LLGL1: variants seen among roughly 807,000 people sequenced by gnomAD.
LLGL1 encodes the protein lethal(2) giant larvae protein homolog 1.
LLGL1 carries 58 observed loss-of-function variants against 110.6 expected under a neutral mutation model. That is an observed-to-expected ratio of 0.52 (90% CI 0.42 to 0.65). The LOEUF is 0.65. LLGL1 is among the 30% of genes least tolerant of loss of function. LLGL1 has a pLI of 0.00. For missense variants in LLGL1, 1,229 were observed against 1,462.1 expected (o/e 0.84, Z 2.60); for synonymous variants, 674 against 607.2 (o/e 1.11, Z -1.62).
At chr17:18,237,877 C>T (rs1215539768) in intron 14 of LLGL1, 104 bp downstream of exon 14, 10 of 1,357,862 alleles carry the variant, frequency 7.4e-6, no homozygotes, top group East Asian at 2.4e-5. Context: ...CCACTAACCT[C>T]CATTGCCCTA....
At chr17:18,232,625 C>T in intron 3 of LLGL1, 47 bp from the exon 4 acceptor site, 1 of 1,613,914 alleles carries the variant, frequency 6.2e-7, no homozygotes, top group Non-Finnish European at 8.5e-7. Context: ...CCCATATCTA[C>T]TCATCCCCCT....
At chr17:18,234,519 G>T in intron 7 of LLGL1, 111 bp downstream of exon 7, 1 of 1,575,654 alleles carries the variant, frequency 6.3e-7, no homozygotes, top group South Asian at 1.1e-5. Context: ...TGGGGGCAGT[G>T]TGTCTCCCGC....
At chr17:18,226,397 C>G (rs1242669800) in intron 1 of LLGL1, among the ~76,000 whole-genome samples, 1 of 152,070 alleles carries the variant, frequency 6.6e-6, no homozygotes, top group African/African-American at 2.4e-5. Context: ...CTTTGGCACC[C>G]AGGAGGGTGA....
In LLGL1 at chr17:18,234,420, G is replaced by A. The variant is rs777719392; in HGVS notation, c.850+12G>A. 5 of 1,610,984 alleles carry A rather than the reference G, an allele frequency of 3.1e-6. No homozygotes were observed. Among genetic ancestry groups the A allele is most frequent in the Non-Finnish European group, 3.4e-6 (4 of 1,179,336 alleles). On this transcript the variant is annotated intron_variant, in intron 7 of 22. Coordinates refer to ENST00000316843, the MANE Select transcript of LLGL1 (RefSeq NM_004140.4). ...CACCACACCTTACGGTGAGTGCTGG[G>A]GACACCTTAGCCAGAGGGTGGTGAT...
intron 20 of LLGL1, 80 bp downstream of exon 20, chr17:18,242,358 G>A: frequency 1.9e-6 from 3 of 1,546,394 alleles, no homozygotes; most frequent in South Asian, 1.1e-5. Context: ...ATAGCTCAGG[G>A]ATCGGGCAGG....
intron 11 of LLGL1, 128 bp downstream of exon 11, chr17:18,235,665 C>G: frequency 1.1e-6 from 1 of 870,642 alleles, no homozygotes. Flanking sequence ...GTAGTTCCTC[C>G]TTGCCCAAGG....
chr17:18,225,780 G>A lies in LLGL1; in HGVS notation c.81+17G>A. On this transcript the variant is annotated intron_variant, in intron 1 of 22. Coordinates refer to ENST00000316843, the MANE Select transcript of LLGL1 (RefSeq NM_004140.4). ...TTCAACAAGGTGCGGCGGCGGCCCG[G>A]GCCCGGGCTCGGGCGGGAGGGGGCG... The A allele has an allele frequency of 2.0e-6, 2 of 998,150 alleles. No individual in the cohort carries two copies. The highest frequency in any genetic ancestry group is 2.4e-6 in the Non-Finnish European group (2 of 835,202). 61.8% of individuals were successfully genotyped at this position (998,150 alleles called of 1,614,324 possible).
At chr17:18,230,768 T>A (rs1382897790) in intron 2 of LLGL1, among the ~76,000 whole-genome samples, 2 of 152,054 alleles carry the variant, frequency 1.3e-5, no homozygotes, top group Non-Finnish European at 2.9e-5. Flanking sequence ...AGACATCAGT[T>A]CCCAGAAAAT....
chr17:18,237,151 G>C (rs1264812011), intron 13 of LLGL1: 4 of 601,096 alleles, frequency 6.7e-6, no homozygotes, highest in Non-Finnish European at 1.2e-5. Flanking sequence ...ACTCATGTCA[G>C]TGCTGTGCTC....
At position 18,242,662 on chromosome 17, in the gene LLGL1, G is replaced by A. The variant is rs761475842; in HGVS notation, c.3116+34G>A. On this transcript the variant is annotated intron_variant, in intron 21 of 22. Transcript: ENST00000316843. ...GGTGGGCAGGTCCACAGGGGGGGCTGCCCTGTCCCCTAGGCCTCCGTCCCC... is the reference window on the plus strand; with the variant it reads ...GGTGGGCAGGTCCACAGGGGGGGCTACCCTGTCCCCTAGGCCTCCGTCCCC... The A allele has an allele frequency of 7.6e-6, 12 of 1,583,854 alleles. No individual in the cohort carries two copies. The East Asian group carries it at 2.1e-4, about 28-fold the overall frequency.
At chr17:18,241,174 C>T (rs980799254) in intron 17 of LLGL1, 11 of 591,900 alleles carry the variant, frequency 1.9e-5, no homozygotes, top group African/African-American at 9.3e-5. Context: ...GGCTCTGCCT[C>T]GAAAGAACTC....
At position 18,234,390 on chromosome 17, in the gene LLGL1, G is replaced by T. The variant is rs1158754832; in HGVS notation, c.832G>T (p.Val278Leu). Residue 278 changes from valine (V) to leucine (L), a missense_variant, in exon 7 of 23, where the codon GTA becomes TTA. Transcript: ENST00000316843. ...CAGCTTCCCAACGCTGCAGCCCACG[G>T]TAGCCACCACACCTTACGGTGAGTG... ...AGSFPTLQPT[V>L]ATTPYGPFPC... The T allele has an allele frequency of 6.2e-7, 1 of 1,612,350 alleles. No homozygotes were observed. Among genetic ancestry groups the T allele is most frequent in the East Asian group, 2.2e-5 (1 of 44,874 alleles).
chr17:18,239,832 G>A lies in LLGL1; in HGVS notation c.2207-746G>A, dbSNP rs532124865. ...TAACTTGTTCCACTGGCCCGAGAAG[G>A]CCGATGGGTTCATGTTCATGGCCGG... On this transcript the variant is annotated intron_variant, in intron 16 of 22. Transcript: ENST00000316843. Among the ~76,000 whole-genome samples the A allele has an allele frequency of 5.3e-5, 8 of 152,188 alleles. No individual in the cohort carries two copies. In the South Asian group the frequency reaches 1.7e-3, roughly 32 times the overall value.
At chr17:18,231,742 C>A (rs529183145) in intron 2 of LLGL1, among the ~76,000 whole-genome samples, 18 of 152,270 alleles carry the variant, frequency 1.2e-4, no homozygotes, top group African/African-American at 4.1e-4. Context: ...CTCACTGCAA[C>A]CTTTGCCTCC....
chr17:18,233,737 A>G, intron 4 of LLGL1, 41 bp from the exon 5 acceptor site: 1 of 1,578,138 alleles, frequency 6.3e-7, no homozygotes, highest in African/African-American at 1.3e-5. Context: ...GAGCAGGTGG[A>G]TGGGCTTGTA....
Position 18,234,419 on chromosome 17 carries a change from G to T in LLGL1, c.850+11G>T. The T allele has an allele frequency of 6.2e-7, 1 of 1,611,284 alleles. No individual in the cohort carries two copies. ...CCACCACACCTTACGGTGAGTGCTGGGGACACCTTAGCCAGAGGGTGGTGA... is the reference window on the plus strand; with the variant it reads ...CCACCACACCTTACGGTGAGTGCTGTGGACACCTTAGCCAGAGGGTGGTGA... On this transcript the variant is annotated intron_variant, in intron 7 of 22. Coordinates refer to ENST00000316843, the MANE Select transcript of LLGL1 (RefSeq NM_004140.4).
chr17:18,241,600 G>T lies in LLGL1; in HGVS notation c.2652G>T (p.Leu884=). 6.2e-7 allele frequency: 1 copy of T among 1,613,782 alleles called. No homozygotes were observed. Among genetic ancestry groups the T allele is most frequent in the Non-Finnish European group, 8.5e-7 (1 of 1,180,038 alleles). ...CCTGCCTGGCCTGCCTCACCAACCT[G>T]GGTGACGTCCACGTCTTCTCGGTGC... The part of the protein sequence containing the change: ...AETCLACLTN[L]GDVHVFSVPG... Residue 884 remains leucine, a synonymous_variant, in exon 18 of 23, where the codon CTG becomes CTT. Coordinates refer to ENST00000316843, the MANE Select transcript of LLGL1 (RefSeq NM_004140.4).
At position 18,234,689 on chromosome 17, in the gene LLGL1, G is replaced by C; in HGVS notation, c.891G>C (p.Arg297=). ...AGGCCATTAACAAGATTCTGTGGCGGAACTGTGAATCTGGGTAGGTCGAGG... is the reference window on the plus strand; with the variant it reads ...AGGCCATTAACAAGATTCTGTGGCGCAACTGTGAATCTGGGTAGGTCGAGG... The part of the protein sequence containing the change: ...PCKAINKILW[R]NCESGGHFII... Residue 297 remains arginine, a synonymous_variant, in exon 8 of 23, where the codon CGG becomes CGC. Transcript: ENST00000316843. The C allele has an allele frequency of 6.2e-7, 1 of 1,614,158 alleles. No individual in the cohort carries two copies. The highest frequency in any genetic ancestry group is 8.5e-7 in the Non-Finnish European group (1 of 1,180,032).
chr17:18,233,849 C>A lies in LLGL1; in HGVS notation c.464C>A (p.Thr155Asn). Residue 155 changes from threonine to asparagine, a missense_variant, in exon 5 of 23, where the codon ACT becomes AAT. Coordinates refer to ENST00000316843, the MANE Select transcript of LLGL1 (RefSeq NM_004140.4). ...VAASDIAALG[T>N]EGSSVFFLDV... ...GCCAGCGACATAGCAGCCCTGGGCA[C>A]TGAGGGCAGCAGTGTCTTCTTCCTG... is the stretch of plus-strand genomic sequence containing the variant. 6.2e-7 allele frequency: 1 copy of A among 1,613,870 alleles called. No individual in the cohort carries two copies. Among genetic ancestry groups the A allele is most frequent in the Non-Finnish European group, 8.5e-7 (1 of 1,179,966 alleles).
Sources: allele counts gnomAD v4.1 joint callset (sites outside exome capture counted in the v4.1 genomes callset), GRCh38; gene constraint gnomAD v4.1.1; transcripts MANE v1.5; gene names NCBI Gene and HGNC (gene_info 2026-07-23, HGNC 2026-07-21).